NF1: variants seen among roughly 807,000 people sequenced by gnomAD.
NF1 encodes the protein neurofibromin 1.
NF1 carries 122 observed loss-of-function variants against 325.7 expected under a neutral mutation model. That is an observed-to-expected ratio of 0.37 (90% CI 0.32 to 0.44). The LOEUF (loss-of-function observed/expected upper bound fraction) is 0.44, where lower values mean the gene tolerates loss of function less well. Among genes scored for constraint, NF1 ranks in the 20% least tolerant of loss-of-function variants. The pLI is 1.00. For missense variants in NF1, 2,140 were observed against 3,415.4 expected, an observed-to-expected ratio of 0.63 and a Z score of 9.31; for synonymous variants, 1,091 against 1,186.0, an observed-to-expected ratio of 0.92 and a Z score of 1.65.
intron 15 of NF1, chr17:31,222,362 A>G (rs937799437): frequency 9.6e-7 from 1 of 1,036,776 alleles, no homozygotes; most frequent in Admixed American, 5.6e-5. Flanking sequence ...AATAATGGAC[A>G]CCTGCTTAGA....
At chr17:31,095,443 G>A (rs2143147950) in intron 1 of NF1, 74 bp downstream of exon 1, 1 of 1,401,258 alleles carries the variant, frequency 7.1e-7, no homozygotes, top group Non-Finnish European at 9.6e-7. Context: ...GGAGGTAGGA[G>A]CGGCCGCCTC....
chr17:31,285,749 C>T (rs1401376882), intron 36 of NF1, among the ~76,000 whole-genome samples: 5 of 151,850 alleles, frequency 3.3e-5, no homozygotes, highest in East Asian at 1.9e-4. Flanking sequence ...AGGCTGAGAT[C>T]GGAGAATCAC....
At chr17:31,188,928 C>T (rs191893987) in intron 8 of NF1, among the ~76,000 whole-genome samples, 4 of 152,252 alleles carry the variant, frequency 2.6e-5, no homozygotes, top group South Asian at 2.1e-4. Flanking sequence ...TGTGGGACCT[C>T]GTGATCGTGT....
intron 1 of NF1, among the ~76,000 whole-genome samples, chr17:31,144,400 G>T (rs943250392): frequency 7.9e-5 from 12 of 152,180 alleles, no homozygotes; most frequent in African/African-American, 2.9e-4. Flanking sequence ...TTTTTCCCCT[G>T]TCTTTTGGTT....
chr17:31,233,646 T>C (rs1201686687), intron 27 of NF1, among the ~76,000 whole-genome samples: 1 of 152,234 alleles, frequency 6.6e-6, no homozygotes, highest in Non-Finnish European at 1.5e-5. Flanking sequence ...TATTATGATA[T>C]TGTTTATTTT....
Position 31,352,620 on chromosome 17 carries a change from G to T in NF1, c.7615+206G>T, listed in dbSNP as rs79570684. 2.0e-4 allele frequency among the ~76,000 whole-genome samples: 31 copies of T among 152,202 alleles called. No homozygotes were observed. In the East Asian group the frequency reaches 6.0e-3, roughly 29 times the overall value. Reference sequence around the variant, plus strand: ...GAAATGAGAATGGGACCTTGAAACAGTTTTTTCTGAATCTTATACTAAATA... The same window carrying T: ...GAAATGAGAATGGGACCTTGAAACATTTTTTTCTGAATCTTATACTAAATA... On this transcript the variant is annotated intron_variant, in intron 51 of 57. Coordinates refer to ENST00000358273, the MANE Select transcript of NF1 (RefSeq NM_001042492.3).
chr17:31,327,937 G>A, intron 38 of NF1, 98 bp downstream of exon 38: 2 of 1,171,192 alleles, frequency 1.7e-6, no homozygotes, highest in Non-Finnish European at 2.5e-6. Flanking sequence ...CCTTAATATT[G>A]TAAATTGGAA....
At chr17:31,160,877 C>T (rs1330533397) in intron 3 of NF1, among the ~76,000 whole-genome samples, 1 of 152,152 alleles carries the variant, frequency 6.6e-6, no homozygotes, top group Non-Finnish European at 1.5e-5. Context: ...CCTAGTATAA[C>T]TTATGTAATG....
rs148473245 is a variant in NF1, at chr17:31,374,058, G to C, written c.8423G>C (p.Cys2808Ser). Reference protein sequence around the residue: ...NVELSPTTGHCNSGRTRHGSA... With the variant: ...NVELSPTTGHSNSGRTRHGSA... ...GAACTCTCCCCTACCACTGGCCACT[G>C]TAACAGTGGACGAACTCGCCACGGA... is the stretch of plus-strand genomic sequence containing the variant. Residue 2808 changes from cysteine (C) to serine (S), a missense_variant, in exon 58 of 58, where the codon TGT becomes TCT. Coordinates refer to ENST00000358273, the MANE Select transcript of NF1 (RefSeq NM_001042492.3). 3.1e-6 allele frequency: 5 copies of C among 1,613,994 alleles called. No homozygotes were observed. Among genetic ancestry groups the C allele is most frequent in the East Asian group, 2.2e-5 (1 of 44,894 alleles).
intron 5 of NF1, among the ~76,000 whole-genome samples, chr17:31,175,656 C>T (rs1243212413): frequency 1.3e-5 from 2 of 152,040 alleles, no homozygotes; most frequent in Non-Finnish European, 2.9e-5. Flanking sequence ...AGGTATTTTT[C>T]CTAATGCTAT....
chr17:31,261,124 T>A (rs190643550), intron 34 of NF1, among the ~76,000 whole-genome samples: 1 of 151,826 alleles, frequency 6.6e-6, no homozygotes, highest in East Asian at 1.9e-4. Flanking sequence ...GGGCCTGTAA[T>A]CCCAGCTACT....
At chr17:31,315,173 C>T (rs2151522114) in intron 36 of NF1, among the ~76,000 whole-genome samples, 1 of 151,992 alleles carries the variant, frequency 6.6e-6, no homozygotes, top group South Asian at 2.1e-4. Context: ...TTTGATTACC[C>T]ACAAAGTAGT....
chr17:31,243,645 G>A, intron 29 of NF1, among the ~76,000 whole-genome samples: 1 of 151,882 alleles, frequency 6.6e-6, no homozygotes, highest in Non-Finnish European at 1.5e-5. Flanking sequence ...TTCACTCAAG[G>A]CCCAAGGGCT....
rs1394443593 is a variant in NF1, at chr17:31,345,617, T to C, written c.7189+2482T>C. On this transcript the variant is annotated intron_variant, in intron 48 of 57. Coordinates refer to ENST00000358273, the MANE Select transcript of NF1 (RefSeq NM_001042492.3). Reference sequence around the variant, plus strand: ...TCGCCCAGAACTTTGGTCTCCAGCATCTCTCCAGCGGCCACTTCTTGCGGG... The same window carrying C: ...TCGCCCAGAACTTTGGTCTCCAGCACCTCTCCAGCGGCCACTTCTTGCGGG... 25 of 1,608,702 alleles carry C rather than the reference T, an allele frequency of 1.6e-5. No homozygotes were observed. The East Asian group carries it at 3.6e-4, about 23-fold the overall frequency.
At chr17:31,184,438 A>G (rs1282418913) in intron 8 of NF1, among the ~76,000 whole-genome samples, 1 of 151,774 alleles carries the variant, frequency 6.6e-6, no homozygotes, top group Non-Finnish European at 1.5e-5. Context: ...TCACGAGGTC[A>G]GGAGATCGAG....
At chr17:31,276,086 G>T (rs904434354) in intron 36 of NF1, among the ~76,000 whole-genome samples, 5 of 151,784 alleles carry the variant, frequency 3.3e-5, no homozygotes, top group African/African-American at 9.7e-5. Flanking sequence ...GTATGCGCCT[G>T]TAGTCCCAGC....
At chr17:31,296,405 T>C in intron 36 of NF1, 1 of 1,525,800 alleles carries the variant, frequency 6.6e-7, no homozygotes, top group Non-Finnish European at 9.1e-7. Context: ...ATGGGTCAGT[T>C]AGCATTAGGC....
chr17:31,154,732 C>CTTTTTTTTTTTTT (rs71142026), intron 1 of NF1, among the ~76,000 whole-genome samples: 2 of 103,394 alleles, frequency 1.9e-5, no homozygotes, highest in African/African-American at 3.7e-5. Context: ...TTAGTATTTC[C>CTTTTTTTTTTTTT]TTTTTTTTTT....
chr17:31,125,558 T>C (rs1237695576), intron 1 of NF1, among the ~76,000 whole-genome samples: 1 of 151,914 alleles, frequency 6.6e-6, no homozygotes, highest in Non-Finnish European at 1.5e-5. Flanking sequence ...TTTTTTGAGA[T>C]GGAGTTTCTC....
Sources: gnomAD v4.1 joint callset for allele counts (sites outside exome capture counted in the v4.1 genomes callset) on GRCh38, gnomAD v4.1.1 for gene constraint, MANE v1.5 for transcripts, NCBI Gene and HGNC (gene_info 2026-07-23, HGNC 2026-07-21) for gene names.